Variants in DOCK3 observed in about 807,000 individuals in gnomAD.
DOCK3 encodes the protein dedicator of cytokinesis protein 3.
DOCK3 carries 60 observed loss-of-function variants against 265.6 expected under a neutral mutation model. The ratio of observed to expected loss-of-function variants is 0.23; its 90% CI spans 0.18 to 0.28. DOCK3 has a LOEUF of 0.28. Among genes scored for constraint, DOCK3 ranks in the 10% least tolerant of loss-of-function variants. DOCK3 has a pLI of 1.00. For synonymous variants in DOCK3, 881 were observed against 938.0 expected (o/e 0.94, Z 1.11); for missense variants, 1,981 against 2,594.3 (o/e 0.76, Z 5.14).
chr3:50,974,400 C>G (rs1290293727), intron 5 of DOCK3, among the ~76,000 whole-genome samples: 1 of 151,950 alleles, frequency 6.6e-6, no homozygotes, highest in African/African-American at 2.4e-5. Context: ...ATAGGGAATC[C>G]TTTCCCCATT....
intron 1 of DOCK3, among the ~76,000 whole-genome samples, chr3:50,750,322 ATTTTTTTTTTT>A (rs34249464): frequency 1.4e-5 from 1 of 73,636 alleles, no homozygotes; most frequent in Non-Finnish European, 2.7e-5. Flanking sequence ...TCTACCTTTG[ATTTTTTTTTTT>A]TTTTTTTTTT....
chr3:51,169,209 C>T (rs2086553389), intron 12 of DOCK3, among the ~76,000 whole-genome samples: 1 of 152,156 alleles, frequency 6.6e-6, no homozygotes, highest in Non-Finnish European at 1.5e-5. Context: ...GCAGAACTAC[C>T]ATTTGACCCA....
chr3:50,882,578 C>G (rs183217553), intron 3 of DOCK3, among the ~76,000 whole-genome samples: 1 of 152,282 alleles, frequency 6.6e-6, no homozygotes, highest in African/African-American at 2.4e-5. Flanking sequence ...TCCCATCACA[C>G]ACCAGTTAGA....
chr3:51,020,447 T>A (rs2079534937), intron 5 of DOCK3, among the ~76,000 whole-genome samples: 1 of 151,986 alleles, frequency 6.6e-6, no homozygotes, highest in South Asian at 2.1e-4. Context: ...ATAGTTCCTT[T>A]TGCTGTGCAG....
chr3:51,075,884 T>C (rs1312930622), intron 7 of DOCK3, among the ~76,000 whole-genome samples: 1 of 152,180 alleles, frequency 6.6e-6, no homozygotes, highest in Non-Finnish European at 1.5e-5. Context: ...TACAAAAATA[T>C]GTTGGGTCGA....
At chr3:50,930,792 T>C (rs945613038) in intron 4 of DOCK3, among the ~76,000 whole-genome samples, 14 of 152,138 alleles carry the variant, frequency 9.2e-5, no homozygotes, top group African/African-American at 3.4e-4. Context: ...GCAGACAGCC[T>C]CTTGCAGAGG....
At chr3:50,874,783 A>T (rs1041584247) in intron 3 of DOCK3, among the ~76,000 whole-genome samples, 4 of 152,092 alleles carry the variant, frequency 2.6e-5, no homozygotes, top group African/African-American at 9.7e-5. Flanking sequence ...TTGTATGTTG[A>T]GGTTGTATGC....
At chr3:51,186,096 G>A (rs1462756876) in intron 12 of DOCK3, among the ~76,000 whole-genome samples, 3 of 152,288 alleles carry the variant, frequency 2.0e-5, no homozygotes, top group East Asian at 1.9e-4. Flanking sequence ...AAGAAGACAG[G>A]AAAATGCGGG....
At chr3:51,194,656 G>T (rs1181118116) in intron 12 of DOCK3, among the ~76,000 whole-genome samples, 1 of 151,720 alleles carries the variant, frequency 6.6e-6, no homozygotes, top group East Asian at 1.9e-4. Flanking sequence ...ATTATATAAT[G>T]ACCTTCTTTG....
chr3:51,361,812 A>G lies in DOCK3; in HGVS notation c.5007-47A>G, dbSNP rs774996947. 6.3e-7 allele frequency: 1 copy of G among 1,594,490 alleles called. No homozygotes were observed. The highest frequency in any genetic ancestry group is 8.5e-7 in the Non-Finnish European group (1 of 1,170,086). On this transcript the variant is annotated intron_variant, in intron 47 of 52. Transcript: ENST00000266037. This position sits in a 1 kb window ranked among gnomAD's most constrained non-coding sequence, Gnocchi z 4.2. ...CATTCCGCTCTACTGTCCCCCTGCC[A>G]CCTGCCATGGGCCTGACTCCTCCCT...
intron 22 of DOCK3, among the ~76,000 whole-genome samples, chr3:51,254,738 C>T (rs2108691836): frequency 6.6e-6 from 1 of 152,224 alleles, no homozygotes; most frequent in East Asian, 1.9e-4. Flanking sequence ...TCCTCCATCC[C>T]TTTATTTTGA....
intron 5 of DOCK3, among the ~76,000 whole-genome samples, chr3:50,968,419 G>T (rs763283404): frequency 7.2e-4 from 109 of 152,300 alleles, no homozygotes; most frequent in Middle Eastern, 6.8e-3. Flanking sequence ...AGCTTTTAGT[G>T]TAACTGTCAC....
chr3:50,865,207 A>G (rs2107534257), intron 3 of DOCK3, among the ~76,000 whole-genome samples: 1 of 152,300 alleles, frequency 6.6e-6, no homozygotes, highest in South Asian at 2.1e-4. Context: ...TATTGACTGT[A>G]GTCACCATGT....
intron 3 of DOCK3, among the ~76,000 whole-genome samples, chr3:50,874,802 T>C (rs907083555): frequency 1.3e-5 from 2 of 152,222 alleles, no homozygotes; most frequent in African/African-American, 2.4e-5. Flanking sequence ...GCTGCAACTT[T>C]ACTGAATACG....
chr3:50,794,859 G>C (rs2042683292), intron 2 of DOCK3, among the ~76,000 whole-genome samples: 2 of 152,130 alleles, frequency 1.3e-5, no homozygotes, highest in Non-Finnish European at 1.5e-5. Context: ...GTTTGTGGTG[G>C]CTGGTAGTGG....
At chr3:51,215,958 G>A (rs2089760443) in intron 14 of DOCK3, among the ~76,000 whole-genome samples, 1 of 150,876 alleles carries the variant, frequency 6.6e-6, no homozygotes, top group African/African-American at 2.4e-5. Flanking sequence ...AAGAGCCCAA[G>A]CATAGTCAGG....
At chr3:51,205,904 A>T (rs921435273) in intron 12 of DOCK3, among the ~76,000 whole-genome samples, 1 of 152,224 alleles carries the variant, frequency 6.6e-6, no homozygotes, top group Non-Finnish European at 1.5e-5. Context: ...TCGAGAGTTC[A>T]GTCTTGGCAA....
chr3:50,787,252 C>T (rs2042231772), intron 2 of DOCK3: 1 of 524,820 alleles, frequency 1.9e-6, no homozygotes, highest in Admixed American at 2.8e-5. Context: ...CACCAGTGAG[C>T]ATTAAATACC....
chr3:51,002,071 G>C (rs556825762), intron 5 of DOCK3, among the ~76,000 whole-genome samples: 77 of 151,992 alleles, frequency 5.1e-4, no homozygotes, highest in Non-Finnish European at 8.1e-4. Context: ...TCAGCCCCCT[G>C]AGCAGCTAGG....
Sources: gnomAD v4.1 joint callset for allele counts (sites outside exome capture counted in the v4.1 genomes callset) on GRCh38, gnomAD v4.1.1 for gene constraint, Gnocchi (gnomAD v3.1) non-coding constraint, MANE v1.5 for transcripts, NCBI Gene and HGNC (gene_info 2026-07-23, HGNC 2026-07-21) for gene names.